DOCK2: variants seen among roughly 807,000 people sequenced by gnomAD.
The protein encoded by DOCK2 is dedicator of cytokinesis protein 2.
In DOCK2, 87 loss-of-function variants were observed where a neutral mutation model predicts 248.9. The observed-to-expected ratio is 0.35, with a 90% confidence interval of 0.29 to 0.42. DOCK2 has a LOEUF of 0.42. DOCK2 is among the 10% of genes least tolerant of loss of function. DOCK2 has a pLI of 1.00. For synonymous variants in DOCK2, 805 were observed against 821.6 expected (o/e 0.98, Z 0.35); for missense variants, 1,747 against 2,300.2 (o/e 0.76, Z 4.92).
intron 22 of DOCK2, 23 bp downstream of exon 22, chr5:169,718,814 T>A (rs760633137): frequency 4.4e-6 from 7 of 1,601,700 alleles, no homozygotes; most frequent in Non-Finnish European, 6.0e-6. Flanking sequence ...TATGTAAGAG[T>A]GATTGATTAG....
rs1262001998 is a variant in DOCK2 at position 169,700,625 on chromosome 5, T to C, written c.1258+486T>C. Among the ~76,000 whole-genome samples, 8 of 152,178 alleles carry C rather than the reference T, an allele frequency of 5.3e-5. 1 individual carries two copies. The highest frequency in any genetic ancestry group is 4.1e-4 in the South Asian group (2 of 4,834). ...AAGTGAAATGTTAAAAGTTCCTTTA[T>C]ATCTTTGTCTCCAGAAGTAGCCACT... On this transcript the variant is annotated intron_variant, in intron 13 of 51. Coordinates refer to ENST00000520908, the MANE Select transcript of DOCK2 (RefSeq NM_004946.3).
chr5:170,045,703 C>T, intron 38 of DOCK2, 113 bp from the exon 39 acceptor site: 1 of 1,060,524 alleles, frequency 9.4e-7, no homozygotes, highest in Non-Finnish European at 1.4e-6. Context: ...TGGGTCAGAG[C>T]AAGGTTTCCC....
In DOCK2 at chr5:169,815,078, A is replaced by G. The variant is rs138294434; in HGVS notation, c.2703+11872A>G. ...ATAGGAGCCTGTCCTGTTCTCAGGGACCTTGCAGCCTATAGTATTTCACGT... is the reference window on the plus strand; with the variant it reads ...ATAGGAGCCTGTCCTGTTCTCAGGGGCCTTGCAGCCTATAGTATTTCACGT... On this transcript the variant is annotated intron_variant, in intron 26 of 51. Coordinates refer to ENST00000520908, the MANE Select transcript of DOCK2 (RefSeq NM_004946.3). 2.7e-3 allele frequency among the ~76,000 whole-genome samples: 412 copies of G among 152,242 alleles called. 1 individual carries two copies. The highest frequency in any genetic ancestry group is 0.014 in the Middle Eastern group (4 of 294).
intron 27 of DOCK2, among the ~76,000 whole-genome samples, chr5:169,898,425 G>A (rs530082966): frequency 6.6e-6 from 1 of 152,286 alleles, no homozygotes; most frequent in South Asian, 2.1e-4. Context: ...TCATTTACTA[G>A]CTCTGTGACC....
At chr5:169,776,587 A>G (rs147775270) in intron 25 of DOCK2, among the ~76,000 whole-genome samples, 1 of 152,310 alleles carries the variant, frequency 6.6e-6, no homozygotes, top group African/African-American at 2.4e-5. Context: ...TTTGAAGGAC[A>G]CTGGCTATAG....
chr5:170,009,912 G>A lies in DOCK2; in HGVS notation c.3232+1166G>A, dbSNP rs145590465. On this transcript the variant is annotated intron_variant, in intron 32 of 51. Coordinates refer to ENST00000520908, the MANE Select transcript of DOCK2 (RefSeq NM_004946.3). ...TGCAGGTTGGTTCACAAAGCCCAAG[G>A]CAGAGCCAAGGACCCAAGCCCAGAA... 1.6e-3 allele frequency among the ~76,000 whole-genome samples: 241 copies of A among 152,274 alleles called. 1 individual carries two copies. The highest frequency in any genetic ancestry group is 2.8e-3 in the Non-Finnish European group (191 of 68,004).
chr5:169,776,379 G>A (rs541035891), intron 25 of DOCK2, among the ~76,000 whole-genome samples: 2 of 151,854 alleles, frequency 1.3e-5, no homozygotes, highest in East Asian at 3.9e-4. Flanking sequence ...TGCCCAGGCT[G>A]GTCTTGAATT....
intron 41 of DOCK2, 29 bp from the exon 42 acceptor site, chr5:170,055,276 A>T (rs755885819): frequency 6.2e-7 from 1 of 1,609,424 alleles, no homozygotes; most frequent in Non-Finnish European, 8.5e-7. Flanking sequence ...CAGCCAACAG[A>T]TATAAGTCCT....
At chr5:169,826,338 G>T (rs1768856797) in intron 26 of DOCK2, among the ~76,000 whole-genome samples, 1 of 152,130 alleles carries the variant, frequency 6.6e-6, no homozygotes, top group South Asian at 2.1e-4. Flanking sequence ...TGGTGAACAG[G>T]ATATTAGCAG....
At chr5:169,975,562 C>T (rs1009660421) in intron 27 of DOCK2, among the ~76,000 whole-genome samples, 1 of 152,172 alleles carries the variant, frequency 6.6e-6, no homozygotes, top group Non-Finnish European at 1.5e-5. Flanking sequence ...CACTTCGGGG[C>T]CTTTGCATCT....
chr5:170,041,907 G>C (rs554843607), intron 37 of DOCK2, 106 bp from the exon 38 acceptor site: 1 of 1,360,342 alleles, frequency 7.4e-7, no homozygotes. Flanking sequence ...AGATGGAAAG[G>C]ACAGGGTGTG....
chr5:169,820,221 A>G (rs1370389307), intron 26 of DOCK2, among the ~76,000 whole-genome samples: 1 of 152,264 alleles, frequency 6.6e-6, no homozygotes, highest in African/African-American at 2.4e-5. Flanking sequence ...AAAAGGCAGC[A>G]GAAACCTCTG....
At chr5:170,072,065 T>C (rs1380952689) in intron 46 of DOCK2, among the ~76,000 whole-genome samples, 1 of 152,224 alleles carries the variant, frequency 6.6e-6, no homozygotes, top group African/African-American at 2.4e-5. Context: ...CTTGGGGCTA[T>C]TATAAGTAAT....
At position 169,719,726 on chromosome 5, in the gene DOCK2, C is replaced by A. The variant is rs541797687; in HGVS notation, c.2267+935C>A. Among the ~76,000 whole-genome samples the A allele has an allele frequency of 3.5e-4, 54 of 152,280 alleles. 3 individuals carry two copies. The South Asian group carries it at 0.011, about 31-fold the overall frequency. On this transcript the variant is annotated intron_variant, in intron 22 of 51. Coordinates refer to ENST00000520908, the MANE Select transcript of DOCK2 (RefSeq NM_004946.3). ...CAAGTTTACATTCTACCAGTGGAAG[C>A]AACTCTATGTTCCTTGTTGTCCTAG...
At chr5:169,895,280 T>C (rs1773531127) in intron 27 of DOCK2, among the ~76,000 whole-genome samples, 1 of 152,174 alleles carries the variant, frequency 6.6e-6, no homozygotes. Context: ...CTTTCCTCCC[T>C]TCCTTTCTCT....
chr5:170,075,207 T>C (rs1757797252), intron 46 of DOCK2, among the ~76,000 whole-genome samples: 1 of 152,160 alleles, frequency 6.6e-6, no homozygotes. Context: ...ACCACACAAC[T>C]AAAGTTCTCA....
chr5:169,917,718 T>C (rs1774953886), intron 27 of DOCK2, among the ~76,000 whole-genome samples: 1 of 152,120 alleles, frequency 6.6e-6, no homozygotes, highest in Non-Finnish European at 1.5e-5. Context: ...ACAGGGAAGA[T>C]AATTGAAGAT....
intron 9 of DOCK2, among the ~76,000 whole-genome samples, chr5:169,692,252 G>T (rs554449799): frequency 6.6e-6 from 1 of 152,288 alleles, no homozygotes; most frequent in East Asian, 1.9e-4. Flanking sequence ...GTTTTGGGGT[G>T]GTTGCTAACA....
At chr5:169,877,430 G>A (rs1772396196) in intron 27 of DOCK2, among the ~76,000 whole-genome samples, 1 of 152,212 alleles carries the variant, frequency 6.6e-6, no homozygotes. Flanking sequence ...GAGTGAAGGG[G>A]TTGGATTGAG....
Sources: gnomAD v4.1 joint callset for allele counts (sites outside exome capture counted in the v4.1 genomes callset) on GRCh38, gnomAD v4.1.1 for gene constraint, MANE v1.5 for transcripts, NCBI Gene and HGNC (gene_info 2026-07-23, HGNC 2026-07-21) for gene names.